Variants in WDR7 observed in about 807,000 individuals in gnomAD.
The protein encoded by WDR7 is WD repeat-containing protein 7.
WDR7 carries 46 observed loss-of-function variants against 169.4 expected under a neutral mutation model. The observed-to-expected ratio is 0.27, with a 90% CI of 0.21 to 0.35. The LOEUF (loss-of-function observed/expected upper bound fraction) is 0.35, where lower values mean the gene tolerates loss of function less well. WDR7 is among the 10% of genes least tolerant of loss of function. The probability of loss-of-function intolerance (pLI) is 1.00; values close to 1 mark genes in which losing one functional copy is unlikely to be tolerated. For synonymous variants in WDR7, 612 were observed against 666.8 expected, an observed-to-expected ratio of 0.92 and a Z score of 1.27; for missense variants, 1,534 against 1,859.3, an observed-to-expected ratio of 0.83 and a Z score of 3.22.
intron 12 of WDR7, among the ~76,000 whole-genome samples, chr18:56,705,632 C>A (rs2025931872): frequency 6.6e-6 from 1 of 152,256 alleles, no homozygotes; most frequent in South Asian, 2.1e-4. Context: ...GATCTGTCTA[C>A]AATAGATAGT....
intron 8 of WDR7, 121 bp from the exon 9 acceptor site, chr18:56,691,594 T>G: frequency 1.1e-6 from 1 of 910,910 alleles, no homozygotes; most frequent in Non-Finnish European, 1.5e-6. Context: ...AATGCCTGCA[T>G]TAAATTAACT....
chr18:56,933,106 C>T (rs1258675060), intron 22 of WDR7, among the ~76,000 whole-genome samples: 1 of 152,144 alleles, frequency 6.6e-6, no homozygotes, highest in African/African-American at 2.4e-5. Context: ...GACACTGTAA[C>T]TCTTGTCCTG....
downstream of WDR7, chr18:57,032,844 T>TATATATATACAC (rs1464286392): frequency 8.1e-6 from 1 of 123,750 alleles, no homozygotes; most frequent in African/African-American, 2.9e-5. Context: ...TATATATATA[T>TATATATATACAC]ACAGTGTAAT....
chr18:56,748,786 C>T (rs973711332), intron 14 of WDR7, among the ~76,000 whole-genome samples: 2 of 152,170 alleles, frequency 1.3e-5, no homozygotes, highest in African/African-American at 4.8e-5. Context: ...CTAATTCCAA[C>T]ATAAATGGAT....
chr18:56,732,276 A>G (rs1013291845), intron 14 of WDR7, among the ~76,000 whole-genome samples: 1 of 152,170 alleles, frequency 6.6e-6, no homozygotes, highest in Non-Finnish European at 1.5e-5. Flanking sequence ...CATGTGGTAT[A>G]ATTAGCACTA....
chr18:56,985,189 A>G (rs2047696772), intron 26 of WDR7, among the ~76,000 whole-genome samples: 1 of 152,152 alleles, frequency 6.6e-6, no homozygotes, highest in South Asian at 2.1e-4. Flanking sequence ...TTTAATAGCT[A>G]CTTCTATAGC....
intron 19 of WDR7, among the ~76,000 whole-genome samples, chr18:56,813,771 C>A (rs1041807863): frequency 4.0e-5 from 6 of 151,774 alleles, no homozygotes; most frequent in Non-Finnish European, 4.4e-5. Context: ...GATTTTATAA[C>A]CCTTACTAAG....
intron 21 of WDR7, among the ~76,000 whole-genome samples, chr18:56,889,186 A>G (rs994940775): frequency 5.9e-5 from 9 of 152,192 alleles, no homozygotes; most frequent in African/African-American, 2.2e-4. Flanking sequence ...CATGATGGGG[A>G]GGAGATGGGC....
At chr18:56,833,406 G>A (rs2045347826) in intron 20 of WDR7, among the ~76,000 whole-genome samples, 1 of 152,020 alleles carries the variant, frequency 6.6e-6, no homozygotes, top group Admixed American at 6.6e-5. Context: ...TAGATGAGGG[G>A]TTGATGTAAC....
chr18:56,695,882 A>C (rs1048250849), intron 11 of WDR7, among the ~76,000 whole-genome samples: 1 of 152,234 alleles, frequency 6.6e-6, no homozygotes, highest in Non-Finnish European at 1.5e-5. Flanking sequence ...AAAATGAAAC[A>C]GTTGAAATTG....
chr18:56,792,311 C>T (rs1041745183), intron 19 of WDR7, among the ~76,000 whole-genome samples: 4 of 152,142 alleles, frequency 2.6e-5, no homozygotes, highest in African/African-American at 9.7e-5. Flanking sequence ...GCCACTGTAC[C>T]TGGCCAAGGA....
At chr18:56,857,887 G>A (rs963547988) in intron 20 of WDR7, among the ~76,000 whole-genome samples, 1 of 152,082 alleles carries the variant, frequency 6.6e-6, no homozygotes, top group Admixed American at 6.6e-5. Flanking sequence ...GAAAGGAAAT[G>A]TCCCCTCCTA....
chr18:56,671,291 GTTTT>G (rs57573854), intron 1 of WDR7, among the ~76,000 whole-genome samples: 2 of 118,920 alleles, frequency 1.7e-5, no homozygotes, highest in Admixed American at 8.7e-5. Context: ...TGAGCAAAGT[GTTTT>G]TTTTTTTTTT....
At chr18:56,694,821 T>G in intron 10 of WDR7, 61 bp downstream of exon 10, 1 of 1,544,548 alleles carries the variant, frequency 6.5e-7, no homozygotes, top group Non-Finnish European at 8.8e-7. Context: ...TACCAACTAC[T>G]GAATAACATT....
At chr18:56,884,581 C>A (rs1034164359) in intron 21 of WDR7, among the ~76,000 whole-genome samples, 1 of 152,172 alleles carries the variant, frequency 6.6e-6, no homozygotes, top group Non-Finnish European at 1.5e-5. Flanking sequence ...TTTCCCTAAG[C>A]CAATGTCTAG....
At chr18:57,002,638 A>T (rs986491619) in intron 26 of WDR7, among the ~76,000 whole-genome samples, 2 of 152,198 alleles carry the variant, frequency 1.3e-5, no homozygotes, top group African/African-American at 2.4e-5. Flanking sequence ...TAGTATTTAG[A>T]ATATATAATC....
chr18:56,945,101 G>A (rs1458603917), intron 25 of WDR7, among the ~76,000 whole-genome samples: 9 of 152,070 alleles, frequency 5.9e-5, no homozygotes, highest in South Asian at 4.1e-4. Context: ...ACCCTGTTCC[G>A]TAAAGGAGTT....
intron 13 of WDR7, among the ~76,000 whole-genome samples, chr18:56,727,685 G>T (rs1339532066): frequency 1.3e-5 from 2 of 152,144 alleles, no homozygotes; most frequent in Non-Finnish European, 2.9e-5. Flanking sequence ...TACAATTCAA[G>T]GTGAGATTTG....
In WDR7 at chr18:56,788,639, C is replaced by A. The variant is rs2044438934; in HGVS notation, c.3190+6983C>A. Among the ~76,000 whole-genome samples, 16 of 152,134 alleles carry A rather than the reference C, an allele frequency of 1.1e-4. 1 individual carries two copies. Among genetic ancestry groups the A allele is most frequent in the Middle Eastern group, 3.4e-3 (1 of 294 alleles). On this transcript the variant is annotated intron_variant, in intron 19 of 27. Transcript: ENST00000254442. ...ATCTCCTTTGTGGTATTCTGGATGT[C>A]TTTTCTTTTTGAGCAAGAGTATTCT...
Sources: gnomAD v4.1 joint callset for allele counts (sites outside exome capture counted in the v4.1 genomes callset) on GRCh38, gnomAD v4.1.1 for gene constraint, MANE v1.5 for transcripts, NCBI Gene and HGNC (gene_info 2026-07-23, HGNC 2026-07-21) for gene names.